Variants in CHD2 observed in about 807,000 individuals in gnomAD.
CHD2 encodes ATP-dependent chromatin remodeler CHD2.
CHD2 carries 28 observed loss-of-function variants against 243.9 expected under a neutral mutation model. The observed-to-expected ratio is 0.11, with a 90% confidence interval of 0.09 to 0.16. The LOEUF (loss-of-function observed/expected upper bound fraction) is 0.16, where lower values mean the gene tolerates loss of function less well. Among genes scored for constraint, CHD2 ranks in the 10% least tolerant of loss-of-function variants. The probability of loss-of-function intolerance (pLI) is 1.00; values close to 1 mark genes in which losing one functional copy is unlikely to be tolerated. For missense variants in CHD2, 1,386 were observed against 2,209.8 expected, an observed-to-expected ratio of 0.63 and a Z score of 7.47; for synonymous variants, 775 against 779.0, an observed-to-expected ratio of 0.99 and a Z score of 0.09.
At chr15:92,904,639 C>T in intron 2 of CHD2, 2 of 1,246,756 alleles carry the variant, frequency 1.6e-6, no homozygotes, top group South Asian at 1.8e-5. Flanking sequence ...ATGGTTTATC[C>T]TCTTTGAGAA....
rs987561364 is a variant in CHD2, at chr15:93,000,705, G to A, written c.4137+65G>A. On this transcript the variant is annotated intron_variant, in intron 32 of 38. Coordinates refer to ENST00000394196, the MANE Select transcript of CHD2 (RefSeq NM_001271.4). ...TTAGCTATACTTATCATGCCAGCTG[G>A]AATAAAATCATCTGAAATGTGTTTG... 9 of 1,496,052 alleles carry A rather than the reference G, an allele frequency of 6.0e-6. No homozygotes were observed. In the African/African-American group the frequency reaches 1.3e-4, roughly 21 times the overall value. The allele number at this position is 1,496,052 out of a possible 1,614,324, so 92.7% of individuals were successfully genotyped here. A position where few individuals can be genotyped will look rare whatever the true frequency, so the allele number is the denominator to read the frequency against.
intron 7 of CHD2, among the ~76,000 whole-genome samples, chr15:92,941,095 G>A (rs1375635415): frequency 3.3e-5 from 5 of 149,588 alleles, no homozygotes; most frequent in Non-Finnish European, 5.9e-5. Flanking sequence ...TCTGCCTCCC[G>A]GATTCAAGTG....
At chr15:92,996,026 C>G (rs1202796286) in intron 28 of CHD2, among the ~76,000 whole-genome samples, 1 of 152,102 alleles carries the variant, frequency 6.6e-6, no homozygotes, top group African/African-American at 2.4e-5. Flanking sequence ...ATGTGTGCTG[C>G]CCATTTTCTA....
At position 92,937,606 on chromosome 15, in the gene CHD2, A is replaced by G. The variant is rs1596390679; in HGVS notation, c.532A>G (p.Arg178Gly). Residue 178 changes from arginine (R) to glycine (G), a missense_variant, in exon 6 of 39, where the codon AGA becomes GGA. Transcript: ENST00000394196. ...GCCAGAACAAAAAAAAGTAAAAGCCAGAAGACCTGTCCCCAGAAGGTGCAC... is the reference window on the plus strand; with the variant it reads ...GCCAGAACAAAAAAAAGTAAAAGCCGGAAGACCTGTCCCCAGAAGGTGCAC... ...SEPEQKKVKARRPVPRRTVPK... is the reference protein window; with the variant it reads ...SEPEQKKVKAGRPVPRRTVPK... The G allele has an allele frequency of 1.2e-6, 2 of 1,613,504 alleles. No homozygotes were observed. The highest frequency in any genetic ancestry group is 2.2e-5 in the East Asian group (1 of 44,864).
At chr15:92,967,183 CT>C in intron 16 of CHD2, 141 bp from the exon 17 acceptor site, 1 of 593,600 alleles carries the variant, frequency 1.7e-6, no homozygotes, top group Non-Finnish European at 2.9e-6. Flanking sequence ...TACTTTTCCC[CT>C]TTTTGTTTTC....
intron 34 of CHD2, among the ~76,000 whole-genome samples, chr15:93,008,396 G>A (rs976293495): frequency 6.6e-6 from 1 of 152,174 alleles, no homozygotes; most frequent in African/African-American, 2.4e-5. Context: ...TATGAATCTG[G>A]ATATGTGTTA....
chr15:93,016,779 C>CAAAA (rs58103362), intron 37 of CHD2, among the ~76,000 whole-genome samples: 3 of 77,986 alleles, frequency 3.8e-5, no homozygotes, highest in East Asian at 1.0e-3. Context: ...GAGACCGTCT[C>CAAAA]AAAAAAAAAA....
At position 92,901,154 on chromosome 15, in the gene CHD2, C is replaced by A. The variant is rs2052523443; in HGVS notation, c.-71-13C>A. On this transcript the variant is annotated splice_polypyrimidine_tract_variant and intron_variant, in intron 1 of 38. Coordinates refer to ENST00000394196, the MANE Select transcript of CHD2 (RefSeq NM_001271.4). ...AGAAGCCGGGACCTTACCTTTCTTT[C>A]AACTTTTGACAGTAAATACCTGGGC... is the stretch of plus-strand genomic sequence containing the variant. The A allele has an allele frequency of 1.3e-6, 1 of 794,892 alleles. No individual in the cohort carries two copies. Among genetic ancestry groups the A allele is most frequent in the Non-Finnish European group, 2.2e-6 (1 of 461,646 alleles). 49.2% of individuals were successfully genotyped at this position (794,892 alleles called of 1,614,324 possible). A position where few individuals can be genotyped will look rare whatever the true frequency, so the allele number is the denominator to read the frequency against.
In CHD2 at chr15:92,927,309, G is replaced by C. The variant is rs1409764161; in HGVS notation, c.360G>C (p.Ser120=). 6.2e-7 allele frequency: 1 copy of C among 1,613,424 alleles called. No homozygotes were observed. The highest frequency in any genetic ancestry group is 2.2e-5 in the East Asian group (1 of 44,848). Reference sequence around the variant, plus strand: ...CAAACCGAAGCAGACAAGAACCATCGCGATTTAATATTAAGGAAGAGGTAA... The same window carrying C: ...CAAACCGAAGCAGACAAGAACCATCCCGATTTAATATTAAGGAAGAGGTAA... ...RRSNRSRQEP[S]RFNIKEEASS... The change falls in exon 4 of 39, where the codon TCG becomes TCC. Residue 120 remains serine (S), a synonymous_variant. Transcript: ENST00000394196.
chr15:92,990,564 T>C (rs151155980), intron 26 of CHD2, among the ~76,000 whole-genome samples: 9 of 152,344 alleles, frequency 5.9e-5, no homozygotes, highest in African/African-American at 2.2e-4. Flanking sequence ...AGAAATGCAG[T>C]TAAGGAGTAA....
chr15:92,947,344 G>C (rs1202306357), intron 12 of CHD2: 1 of 152,226 alleles, frequency 6.6e-6, no homozygotes, highest in African/African-American at 2.4e-5. Context: ...ACAGACAAGA[G>C]GGGGCCCAGG....
chr15:92,984,269 T>C (rs2054013780), intron 24 of CHD2, 61 bp from the exon 25 acceptor site: 1 of 1,300,982 alleles, frequency 7.7e-7, no homozygotes, highest in African/African-American at 1.5e-5. Context: ...CTGGATAAAT[T>C]GTTTTAGTAG....
chr15:92,992,221 T>A (rs878998099), intron 27 of CHD2, among the ~76,000 whole-genome samples: 1 of 152,196 alleles, frequency 6.6e-6, no homozygotes, highest in Non-Finnish European at 1.5e-5. Context: ...GAGGTAGTGA[T>A]GTGTAGCATT....
At chr15:93,015,206 G>A (rs1328669228) in intron 37 of CHD2, among the ~76,000 whole-genome samples, 4 of 152,096 alleles carry the variant, frequency 2.6e-5, no homozygotes, top group South Asian at 2.1e-4. Context: ...AGCCTCCCGA[G>A]TAGCTGGGAT....
At position 92,997,279 on chromosome 15, in the gene CHD2, C is replaced by A. The variant is rs1170901121; in HGVS notation, c.3761C>A (p.Ala1254Asp). The A allele has an allele frequency of 6.2e-7, 1 of 1,614,048 alleles. No homozygotes were observed. The highest frequency in any genetic ancestry group is 1.7e-5 in the Admixed American group (1 of 60,004). Residue 1254 changes from alanine (A) to aspartate (D), a missense_variant, in exon 30 of 39, where the codon GCT (alanine) becomes GAT (aspartate). Physicochemically the swap from Ala to Asp is moderately radical, Grantham distance 126 (BLOSUM62 -2). This residue lies in a region of CHD2 where 99 missense variants were observed against 176.9 expected (regional missense o/e 0.56). Transcript: ENST00000394196. This position sits in a 1 kb window ranked among gnomAD's most constrained non-coding sequence, Gnocchi z 4.1. ...KKYCLTCRVK[A>D]AHFDVEWGVE... The stretch of plus-strand genomic sequence containing the variant: ...TACTGCTTAACCTGTCGTGTCAAAG[C>A]TGCACATTTTGATGTAGAGTGGGGG...
chr15:92,976,426 C>G (rs2053909273), intron 20 of CHD2, among the ~76,000 whole-genome samples: 1 of 152,064 alleles, frequency 6.6e-6, no homozygotes, highest in Admixed American at 6.6e-5. Context: ...CTGTTCACGT[C>G]TTTGGGGTGT....
chr15:92,904,953 GTTT>G, intron 2 of CHD2: 1 of 1,535,992 alleles, frequency 6.5e-7, no homozygotes, highest in Non-Finnish European at 8.7e-7. Context: ...GTCCCCATGC[GTTT>G]TTACTTGGTA....
chr15:92,901,208 C>T lies in CHD2; in HGVS notation c.-30C>T, dbSNP rs772196495. ...GGACTTCAAAGCAAACACAGATTCC[C>T]CCTCCCCCTTAATATTTAAGAATTA... On this transcript the variant is annotated 5_prime_UTR_variant, in exon 2 of 39. Transcript: ENST00000394196. The T allele has an allele frequency of 2.5e-5, 34 of 1,387,514 alleles. 2 individuals carry two copies. Among genetic ancestry groups the T allele is most frequent in the South Asian group, 2.0e-4 (17 of 84,658 alleles). The allele number at this position is 1,387,514 out of a possible 1,614,324, so 86.0% of individuals were successfully genotyped here. A position where few individuals can be genotyped will look rare whatever the true frequency, so the allele number is the denominator to read the frequency against.
At chr15:92,951,508 G>A (rs1195283253) in intron 13 of CHD2, among the ~76,000 whole-genome samples, 1 of 152,144 alleles carries the variant, frequency 6.6e-6, no homozygotes, top group African/African-American at 2.4e-5. Flanking sequence ...ATAAAAATCA[G>A]TTGAAAAGGG....
Sources: gnomAD v4.1 joint callset for allele counts (sites outside exome capture counted in the v4.1 genomes callset) on GRCh38, gnomAD v4.1.1 for gene constraint, gnomAD v4.1.1 regional missense constraint, Gnocchi (gnomAD v3.1) non-coding constraint, MANE v1.5 for transcripts, NCBI Gene and HGNC (gene_info 2026-07-23, HGNC 2026-07-21) for gene names.